The following QKI variants were observed in gnomAD, a reference collection of about 807,000 sequenced individuals.
QKI encodes QKI, KH domain containing RNA binding.
In QKI, 10 loss-of-function variants were observed where a neutral mutation model predicts 39.0. The ratio of observed to expected loss-of-function variants is 0.26; its 90% CI spans 0.16 to 0.43. The LOEUF is 0.43. QKI is among the 20% of genes least tolerant of loss of function. The pLI is 1.00. For synonymous variants in QKI, 204 were observed against 155.4 expected (o/e 1.31, Z -2.33); for missense variants, 218 against 428.0 (o/e 0.51, Z 4.33).
intron 4 of QKI, among the ~76,000 whole-genome samples, chr6:163,542,126 G>T (rs1233989155): frequency 2.6e-5 from 4 of 151,846 alleles, no homozygotes; most frequent in Non-Finnish European, 1.5e-5. Context: ...ACAAGGAATA[G>T]TAGCCCCCCC....
At chr6:163,416,133 G>C (rs900105215) in intron 1 of QKI, among the ~76,000 whole-genome samples, 33 of 151,542 alleles carry the variant, frequency 2.2e-4, no homozygotes, top group African/African-American at 7.8e-4. Context: ...TTGGGCGGAG[G>C]GTTTGCTCCC....
rs73784457 is a variant in QKI at position 163,540,140 on chromosome 6, T to C, written c.546+5015T>C. Among the ~76,000 whole-genome samples the C allele has an allele frequency of 8.3e-3, 1,261 of 152,192 alleles. 22 individuals carry two copies. Among genetic ancestry groups the C allele is most frequent in the African/African-American group, 0.029 (1,212 of 41,542 alleles). ...TTTGGAAAGATAGAGTAAGTTCTTT[T>C]TTAGAAAGACAAAGAGTTTTGTGTA... On this transcript the variant is annotated intron_variant, in intron 4 of 7. Coordinates refer to ENST00000361752, the MANE Select transcript of QKI (RefSeq NM_006775.3).
chr6:163,428,426 G>GTAT, intron 1 of QKI, among the ~76,000 whole-genome samples: 1 of 152,116 alleles, frequency 6.6e-6, no homozygotes, highest in South Asian at 2.1e-4. Context: ...GTTTATTTCT[G>GTAT]TTTATTAAAA....
intron 1 of QKI, among the ~76,000 whole-genome samples, chr6:163,432,423 G>T (rs561389137): frequency 8.6e-5 from 13 of 150,314 alleles, no homozygotes; most frequent in African/African-American, 3.2e-4. Context: ...AAGAGATGGG[G>T]TTTCACCCTG....
Position 163,415,424 on chromosome 6 carries a change from C to G in QKI, c.142+89C>G. The G allele has an allele frequency of 2.2e-6, 3 of 1,359,260 alleles. No individual in the cohort carries two copies. In the South Asian group the frequency reaches 3.9e-5, roughly 18 times the overall value. 84.2% of individuals were successfully genotyped at this position (1,359,260 alleles called of 1,614,324 possible). ...GGGATGGTGGGGAGGGCGGGAAGGT[C>G]ACGGCCGGGCGGGACCGAGCGCCGG... On this transcript the variant is annotated intron_variant, in intron 1 of 7. Transcript: ENST00000361752.
intron 1 of QKI, among the ~76,000 whole-genome samples, chr6:163,435,882 T>C (rs1323932192): frequency 1.3e-5 from 2 of 152,218 alleles, no homozygotes; most frequent in Non-Finnish European, 2.9e-5. Flanking sequence ...TATTATAATA[T>C]TTAAACACAG....
Position 163,568,012 on chromosome 6 carries a change from A to C in QKI, c.1009+1217A>C, listed in dbSNP as rs913280502. The stretch of plus-strand genomic sequence containing the variant: ...AAGAACGTTGAAGACTTTTAAACTA[A>C]TGTATTCATCACTAACAGTGATTGT... On this transcript the variant is annotated intron_variant, in intron 7 of 7. Coordinates refer to ENST00000361752, the MANE Select transcript of QKI (RefSeq NM_006775.3). 4.1e-6 allele frequency: 4 copies of C among 985,442 alleles called. No individual in the cohort carries two copies. The African/African-American group carries it at 7.0e-5, about 17-fold the overall frequency. 61.0% of individuals were successfully genotyped at this position (985,442 alleles called of 1,614,324 possible). A position where few individuals can be genotyped will look rare whatever the true frequency, so the allele number is the denominator to read the frequency against.
At chr6:163,519,763 AATT>A (rs1780037549) in intron 3 of QKI, among the ~76,000 whole-genome samples, 1 of 152,138 alleles carries the variant, frequency 6.6e-6, no homozygotes, top group East Asian at 1.9e-4. Context: ...TAACCACAAT[AATT>A]ATTAATGATA....
chr6:163,475,114 C>A (rs779963208), intron 2 of QKI, among the ~76,000 whole-genome samples: 7 of 152,006 alleles, frequency 4.6e-5, no homozygotes, highest in Non-Finnish European at 1.0e-4. Context: ...TGAGGAAGAG[C>A]AAGAGAGAAG....
rs550182833 is a variant in QKI at position 163,574,061 on chromosome 6, C to T, written c.*3351C>T. The T allele has an allele frequency of 1.3e-5, 2 of 152,172 alleles. No homozygotes were observed. Among genetic ancestry groups the T allele is most frequent in the East Asian group, 3.9e-4 (2 of 5,162 alleles). 9.4% of individuals were successfully genotyped at this position (152,172 alleles called of 1,614,324 possible). A position where few individuals can be genotyped will look rare whatever the true frequency, so the allele number is the denominator to read the frequency against. On this transcript the variant is annotated 3_prime_UTR_variant, in exon 8 of 8. Coordinates refer to ENST00000361752, the MANE Select transcript of QKI (RefSeq NM_006775.3). ...TGCAGTAGAGATGGGAACAAAGTAG[C>T]CTTTGTTTGAGGCATTCTTCTCTTG...
chr6:163,479,360 G>T (rs1562472936), intron 3 of QKI, among the ~76,000 whole-genome samples: 1 of 152,078 alleles, frequency 6.6e-6, no homozygotes, highest in Non-Finnish European at 1.5e-5. Flanking sequence ...ATTTTCCCTT[G>T]TTTTTCTTTT....
At chr6:163,528,537 T>C (rs932318069) in intron 3 of QKI, among the ~76,000 whole-genome samples, 2 of 152,162 alleles carry the variant, frequency 1.3e-5, no homozygotes, top group Non-Finnish European at 2.9e-5. Flanking sequence ...ATGTAACTTA[T>C]GAGGATTGAA....
At chr6:163,481,437 GT>G (rs1793069868) in intron 3 of QKI, among the ~76,000 whole-genome samples, 1 of 152,104 alleles carries the variant, frequency 6.6e-6, no homozygotes. Context: ...TTGGTGTTTG[GT>G]GAGTACCTGG....
intron 6 of QKI, chr6:163,565,996 A>C: frequency 6.2e-6 from 10 of 1,611,654 alleles, no homozygotes; most frequent in Non-Finnish European, 6.8e-6. Flanking sequence ...TCTTAACTGA[A>C]CCCTCATCAG....
intron 4 of QKI, among the ~76,000 whole-genome samples, chr6:163,560,702 G>T (rs1256918072): frequency 6.6e-6 from 1 of 152,182 alleles, no homozygotes; most frequent in Non-Finnish European, 1.5e-5. Flanking sequence ...GGCAACTAAA[G>T]TTTTTTATAT....
chr6:163,439,329 G>A (rs942166365), intron 1 of QKI, among the ~76,000 whole-genome samples: 3 of 143,340 alleles, frequency 2.1e-5, no homozygotes, highest in Non-Finnish European at 4.5e-5. Flanking sequence ...AATCCTTCGT[G>A]GTTTTTTTTT....
At chr6:163,434,860 TC>T (rs1334161046) in intron 1 of QKI, among the ~76,000 whole-genome samples, 1 of 152,022 alleles carries the variant, frequency 6.6e-6, no homozygotes, top group South Asian at 2.1e-4. Context: ...CCTGACTTTT[TC>T]CCCCCTCAGT....
chr6:163,443,597 C>A lies in QKI; in HGVS notation c.143-11682C>A, dbSNP rs572558883. On this transcript the variant is annotated intron_variant, in intron 1 of 7. Coordinates refer to ENST00000361752, the MANE Select transcript of QKI (RefSeq NM_006775.3). Reference sequence around the variant, plus strand: ...CAACAACAACAACAACTCCTCTTGGCTTTTTCATAATATGAGAGAATTCTC... The same window carrying A: ...CAACAACAACAACAACTCCTCTTGGATTTTTCATAATATGAGAGAATTCTC... 3.3e-5 allele frequency among the ~76,000 whole-genome samples: 5 copies of A among 152,284 alleles called. No homozygotes were observed. In the East Asian group the frequency reaches 9.6e-4, roughly 29 times the overall value.
At chr6:163,527,898 C>T (rs766190630) in intron 3 of QKI, among the ~76,000 whole-genome samples, 6 of 151,990 alleles carry the variant, frequency 3.9e-5, no homozygotes, top group Non-Finnish European at 7.4e-5. Flanking sequence ...CTCACCTATT[C>T]GAAACTTTAA....
Sources: allele counts gnomAD v4.1 joint callset (sites outside exome capture counted in the v4.1 genomes callset), GRCh38; gene constraint gnomAD v4.1.1; transcripts MANE v1.5; gene names NCBI Gene and HGNC (gene_info 2026-07-23, HGNC 2026-07-21).